Variants in DIAPH3 observed in about 807,000 individuals in gnomAD.
The protein encoded by DIAPH3 is protein diaphanous homolog 3.
DIAPH3 carries 117 observed loss-of-function variants against 144.3 expected under a neutral mutation model. That is an observed-to-expected ratio of 0.81 (90% CI 0.70 to 0.95). The LOEUF is 0.95. Among genes scored for constraint, DIAPH3 ranks in the 40% least tolerant of loss-of-function variants. The pLI is 0.00. For missense variants in DIAPH3, 1,421 were observed against 1,412.7 expected (o/e 1.01, Z -0.09); for synonymous variants, 519 against 488.9 (o/e 1.06, Z -0.81).
At chr13:59,725,228 G>A (rs184948052) in intron 27 of DIAPH3, among the ~76,000 whole-genome samples, 59 of 152,232 alleles carry the variant, frequency 3.9e-4, no homozygotes, top group African/African-American at 1.3e-3. Context: ...TTTTTCATAG[G>A]CAAAGAAAAG....
intron 24 of DIAPH3, among the ~76,000 whole-genome samples, chr13:59,829,715 A>G (rs932911685): frequency 2.0e-5 from 3 of 151,932 alleles, no homozygotes; most frequent in African/African-American, 7.2e-5. Context: ...TACTAAAGGA[A>G]GAAATGTCTG....
At chr13:60,156,939 A>ATTTTTTT (rs757042309) in intron 1 of DIAPH3, among the ~76,000 whole-genome samples, 13 of 82,024 alleles carry the variant, frequency 1.6e-4, no homozygotes, top group African/African-American at 2.7e-4. Flanking sequence ...ATATATATAT[A>ATTTTTTT]TTTTTTTTTT....
At chr13:59,811,927 C>G (rs915406357) in intron 24 of DIAPH3, among the ~76,000 whole-genome samples, 3 of 151,972 alleles carry the variant, frequency 2.0e-5, no homozygotes, top group African/African-American at 7.2e-5. Context: ...GGGGAATTAG[C>G]AGGTAAACAT....
At chr13:59,918,223 AAGAG>A (rs112988613) in intron 18 of DIAPH3, among the ~76,000 whole-genome samples, 53 of 150,716 alleles carry the variant, frequency 3.5e-4, no homozygotes, top group African/African-American at 6.3e-4. Flanking sequence ...AAAAAAAAAA[AAGAG>A]AGAGAGAGAG....
chr13:59,991,245 C>T lies in DIAPH3; in HGVS notation c.1274G>A (p.Trp425Ter). 1 of 1,610,968 alleles carries T rather than the reference C, an allele frequency of 6.2e-7. No individual in the cohort carries two copies. The highest frequency in any genetic ancestry group is 1.3e-5 in the African/African-American group (1 of 74,840). ...DEAYDVYNMV[W>*]STVKETRAEG... ...TGCTCTAGTTTCTTTAACTGTGCTC[C>T]ACACCATGTTGTAAACATCATATGC... The change falls in exon 12 of 28, where the codon TGG becomes TAG. Residue 425 changes from tryptophan (W) to a stop codon, truncating the protein, a stop_gained. Transcript: ENST00000400324. LOFTEE classifies it high-confidence loss of function.
At position 60,042,635 on chromosome 13, in the gene DIAPH3, CT is replaced by C. The variant is rs948659152; in HGVS notation, c.626+54del. On this transcript the variant is annotated intron_variant, in intron 5 of 27. Coordinates refer to ENST00000400324, the MANE Select transcript of DIAPH3 (RefSeq NM_001042517.2). ...AGGCAAAATGAAAAAAAGTATTAAACTAAAAGAACACATTAATGACATCTGC... is the reference window on the plus strand; with the variant it reads ...AGGCAAAATGAAAAAAAGTATTAAACAAAAGAACACATTAATGACATCTGC... 3.2e-5 allele frequency: 52 copies of C among 1,607,668 alleles called. No individual in the cohort carries two copies. In the African/African-American group the frequency reaches 6.8e-4, roughly 21 times the overall value.
intron 25 of DIAPH3, among the ~76,000 whole-genome samples, chr13:59,799,880 C>T (rs1210180956): frequency 6.6e-6 from 1 of 152,066 alleles, no homozygotes; most frequent in East Asian, 1.9e-4. Flanking sequence ...ATAGCAAAAT[C>T]AAAATATTAA....
chr13:60,160,415 G>A (rs1952237134), intron 1 of DIAPH3, among the ~76,000 whole-genome samples: 1 of 152,156 alleles, frequency 6.6e-6, no homozygotes, highest in African/African-American at 2.4e-5. Context: ...CCAATTTACA[G>A]GCTCCCTTTG....
At chr13:59,742,685 GAAGA>G (rs2036520937) in intron 27 of DIAPH3, among the ~76,000 whole-genome samples, 2 of 150,778 alleles carry the variant, frequency 1.3e-5, no homozygotes, top group Admixed American at 6.6e-5. Context: ...AGAAAGGAAG[GAAGA>G]AAGGGAGAAA....
chr13:59,833,304 A>T (rs957209871), intron 23 of DIAPH3, 33 bp from the exon 24 acceptor site: 2 of 1,558,924 alleles, frequency 1.3e-6, no homozygotes, highest in African/African-American at 2.7e-5. Flanking sequence ...TGAAATTTAC[A>T]AAGTAATGCT....
At chr13:59,956,162 A>C (rs1649254682) in intron 17 of DIAPH3, among the ~76,000 whole-genome samples, 1 of 152,248 alleles carries the variant, frequency 6.6e-6, no homozygotes, top group African/African-American at 2.4e-5. Context: ...GAGAAATTCA[A>C]ATCAGCTGCA....
intron 1 of DIAPH3, among the ~76,000 whole-genome samples, chr13:60,140,115 G>A (rs946890836): frequency 8.5e-5 from 13 of 152,170 alleles, no homozygotes; most frequent in African/African-American, 3.1e-4. Context: ...TCTGAGAGTG[G>A]CTTAGCATCC....
At chr13:59,824,327 T>C (rs2041250126) in intron 24 of DIAPH3, among the ~76,000 whole-genome samples, 1 of 152,216 alleles carries the variant, frequency 6.6e-6, no homozygotes, top group African/African-American at 2.4e-5. Context: ...CAGGCTGTTA[T>C]TATCAGAAAA....
intron 27 of DIAPH3, among the ~76,000 whole-genome samples, chr13:59,726,239 T>C (rs546385388): frequency 1.3e-5 from 2 of 152,318 alleles, no homozygotes; most frequent in South Asian, 4.1e-4. Context: ...TGTCCATGTG[T>C]GTTTTTGTGT....
rs2050648459 is a variant in DIAPH3, at chr13:59,975,850, T to C, written c.1546-1394A>G. 1.3e-5 allele frequency among the ~76,000 whole-genome samples: 2 copies of C among 151,910 alleles called. 1 individual carries two copies. Among genetic ancestry groups the C allele is most frequent in the South Asian group, 4.1e-4 (2 of 4,824 alleles). ...CAGTTGACGTAAGCCACAGCAACAC[T>C]ACCATTCCCCACAACTACTACGGCT... On this transcript the variant is annotated intron_variant, in intron 14 of 27. Transcript: ENST00000400324.
At chr13:59,712,537 G>C (rs928814008) in intron 27 of DIAPH3, among the ~76,000 whole-genome samples, 1 of 152,078 alleles carries the variant, frequency 6.6e-6, no homozygotes, top group Non-Finnish European at 1.5e-5. Flanking sequence ...TCCAGCCATC[G>C]ACTCGGGCCC....
rs2047608352 is a variant in DIAPH3, at chr13:59,923,429, T to C, written c.2170+1346A>G. On this transcript the variant is annotated intron_variant, in intron 18 of 27. Transcript: ENST00000400324. ...GAAATTCCCTAAAATATGTACATCA[T>C]GCAAAAAACAAAAAACACAAAATCT... Among the ~76,000 whole-genome samples the C allele has an allele frequency of 2.0e-5, 3 of 152,106 alleles. No homozygotes were observed. The South Asian group carries it at 6.2e-4, about 31-fold the overall frequency.
intron 27 of DIAPH3, among the ~76,000 whole-genome samples, chr13:59,742,369 G>A (rs763403608): frequency 4.6e-5 from 7 of 152,110 alleles, no homozygotes; most frequent in Non-Finnish European, 1.0e-4. Flanking sequence ...TTGATGAAAA[G>A]TGGATAGTCA....
At chr13:60,027,296 TATAA>T (rs2054443260) in intron 5 of DIAPH3, among the ~76,000 whole-genome samples, 1 of 152,222 alleles carries the variant, frequency 6.6e-6, no homozygotes, top group African/African-American at 2.4e-5. Flanking sequence ...CAGGAACTAT[TATAA>T]ATAATGTTCA....
Sources: allele counts gnomAD v4.1 joint callset (sites outside exome capture counted in the v4.1 genomes callset), GRCh38; gene constraint gnomAD v4.1.1; transcripts MANE v1.5; gene names NCBI Gene and HGNC (gene_info 2026-07-23, HGNC 2026-07-21).